The following NAAA variants were observed in gnomAD, a reference collection of about 807,000 sequenced individuals.
NAAA encodes the protein N-acylethanolamine-hydrolyzing acid amidase.
Under a neutral mutation model 44.8 loss-of-function variants are expected in NAAA, and 39 were observed. The ratio of observed to expected loss-of-function variants is 0.87; its 90% confidence interval spans 0.67 to 1.14. The LOEUF is 1.14. Ranked by LOEUF, NAAA falls within the 50% of genes most tolerant of loss-of-function variation. NAAA has a pLI of 0.00. For synonymous variants in NAAA, 178 were observed against 191.3 expected (o/e 0.93, Z 0.58); for missense variants, 460 against 467.8 (o/e 0.98, Z 0.15).
Position 75,913,871 on chromosome 4 carries a change from C to G in NAAA, c.*504G>C. On this transcript the variant is annotated 3_prime_UTR_variant, in exon 11 of 11. Coordinates refer to ENST00000286733, the MANE Select transcript of NAAA (RefSeq NM_014435.4). ...CTCCCATTACATGGAAACACATGAT[C>G]AAAGATCAGACTAACACACATTCAA... 2 of 985,250 alleles carry G rather than the reference C, an allele frequency of 2.0e-6. No individual in the cohort carries two copies. The highest frequency in any genetic ancestry group is 2.4e-6 in the Non-Finnish European group (2 of 829,782). The allele number at this position is 985,250 out of a possible 1,614,324, so 61.0% of individuals were successfully genotyped here.
chr4:75,933,638 T>C (rs1727437316), intron 3 of NAAA, among the ~76,000 whole-genome samples: 1 of 152,110 alleles, frequency 6.6e-6, no homozygotes, highest in South Asian at 2.1e-4. Flanking sequence ...TGTAAGATAT[T>C]TTATCTTGCA....
intron 9 of NAAA, 92 bp from the exon 10 acceptor site, chr4:75,915,077 G>A (rs1269672512): frequency 8.5e-6 from 8 of 938,892 alleles, no homozygotes; most frequent in Non-Finnish European, 1.4e-5. Flanking sequence ...TAACACTTGA[G>A]ATCTGGGACA....
At chr4:75,926,344 T>C (rs1726686525) in intron 4 of NAAA, among the ~76,000 whole-genome samples, 2 of 152,030 alleles carry the variant, frequency 1.3e-5, no homozygotes, top group African/African-American at 4.8e-5. Flanking sequence ...GCGGATCCCC[T>C]GAGGTCAGGA....
chr4:75,931,075 GT>G, intron 4 of NAAA, 138 bp downstream of exon 4: 1 of 617,646 alleles, frequency 1.6e-6, no homozygotes. Context: ...CATGCATACT[GT>G]CCACTTTCTC....
chr4:75,936,259 A>G lies in NAAA; in HGVS notation c.372-24T>C, dbSNP rs750856485. On this transcript the variant is annotated intron_variant, in intron 2 of 10. Transcript: ENST00000286733. The stretch of plus-strand genomic sequence containing the variant: ...ACCTGAGAAAAGGGAAAAGTCCAAC[A>G]TGAATGAATAAGACAAATAAGAAAA... 8 of 1,602,740 alleles carry G rather than the reference A, an allele frequency of 5.0e-6. No individual in the cohort carries two copies. In the Admixed American group the frequency reaches 1.1e-4, roughly 21 times the overall value.
intron 3 of NAAA, among the ~76,000 whole-genome samples, chr4:75,933,029 G>C (rs919012798): frequency 6.6e-6 from 1 of 151,522 alleles, no homozygotes; most frequent in Non-Finnish European, 1.5e-5. Context: ...CAGCTACTCG[G>C]GAGGCTAAGG....
downstream of NAAA, among the ~76,000 whole-genome samples, chr4:75,911,987 G>A (rs187613317): frequency 5.3e-5 from 8 of 152,292 alleles, no homozygotes; most frequent in Middle Eastern, 3.4e-3. Flanking sequence ...GCCCAGGAAC[G>A]AGCAAGGACA....
intron 4 of NAAA, among the ~76,000 whole-genome samples, chr4:75,930,028 G>A (rs888606022): frequency 6.6e-6 from 1 of 152,146 alleles, no homozygotes; most frequent in Non-Finnish European, 1.5e-5. Flanking sequence ...GGCAGAGGTT[G>A]CAGTAAGCTG....
chr4:75,933,873 T>C (rs1424236369), intron 3 of NAAA, among the ~76,000 whole-genome samples: 1 of 151,558 alleles, frequency 6.6e-6, no homozygotes, highest in East Asian at 1.9e-4. Flanking sequence ...CTGCTAAAAA[T>C]ACAAAAATTA....
In NAAA at chr4:75,930,684, C is replaced by A. The variant is rs145677614; in HGVS notation, c.589+530G>T. Reference sequence around the variant, plus strand: ...AATATAAATCACATCTGTTCACTCCCTGGCCTACAATCCCCCTACAGCTTC... The same window carrying A: ...AATATAAATCACATCTGTTCACTCCATGGCCTACAATCCCCCTACAGCTTC... On this transcript the variant is annotated intron_variant, in intron 4 of 10. Coordinates refer to ENST00000286733, the MANE Select transcript of NAAA (RefSeq NM_014435.4). Among the ~76,000 whole-genome samples the A allele has an allele frequency of 2.4e-3, 365 of 152,312 alleles. 2 individuals carry two copies. The highest frequency in any genetic ancestry group is 8.6e-3 in the African/African-American group (358 of 41,574).
intron 3 of NAAA, among the ~76,000 whole-genome samples, chr4:75,933,489 T>A (rs1184413085): frequency 6.6e-6 from 1 of 152,154 alleles, no homozygotes; most frequent in African/African-American, 2.4e-5. Flanking sequence ...AAAGTAATTA[T>A]ATGGCCACCT....
chr4:75,929,104 C>A (rs1372256471), intron 4 of NAAA, among the ~76,000 whole-genome samples: 1 of 151,998 alleles, frequency 6.6e-6, no homozygotes, highest in Non-Finnish European at 1.5e-5. Context: ...TCCCTGCTTT[C>A]GAGATGAGGA....
At chr4:75,915,978 A>T (rs1725590701) in intron 9 of NAAA, among the ~76,000 whole-genome samples, 1 of 152,230 alleles carries the variant, frequency 6.6e-6, no homozygotes, top group Non-Finnish European at 1.5e-5. Flanking sequence ...CAGCTAAATC[A>T]TACACCCAGT....
At chr4:75,925,624 G>GC (rs2149262007) in intron 5 of NAAA, 111 bp downstream of exon 5, 2 of 978,096 alleles carry the variant, frequency 2.0e-6, no homozygotes, top group African/African-American at 3.2e-5. Context: ...ACATTTAGAT[G>GC]CTTATTCTTT....
At chr4:75,938,576 C>CT (rs1215940078) in intron 2 of NAAA, among the ~76,000 whole-genome samples, 4 of 152,148 alleles carry the variant, frequency 2.6e-5, no homozygotes, top group Non-Finnish European at 5.9e-5. Context: ...CTTACTCTGC[C>CT]TAGGTGTTCT....
chr4:75,935,513 C>G (rs1392538283), intron 3 of NAAA: 1 of 152,298 alleles, frequency 6.6e-6, no homozygotes, highest in Non-Finnish European at 1.5e-5. Context: ...AGATCATACA[C>G]AAGAAAGTGG....
At chr4:75,924,217 G>A (rs371079464) in intron 5 of NAAA, among the ~76,000 whole-genome samples, 7 of 152,154 alleles carry the variant, frequency 4.6e-5, no homozygotes, top group Non-Finnish European at 8.8e-5. Flanking sequence ...AAATGAGGCC[G>A]TTTCATTTTC....
At chr4:75,925,701 GAGTT>G in intron 5 of NAAA, 30 bp downstream of exon 5, 1 of 1,594,782 alleles carries the variant, frequency 6.3e-7, no homozygotes, top group Non-Finnish European at 8.6e-7. Context: ...GGTGGAGGTG[GAGTT>G]AAGGAGGGCT....
rs538333682 is a variant in NAAA, at chr4:75,934,563, G to A, written c.498+1546C>T. Among the ~76,000 whole-genome samples the A allele has an allele frequency of 4.0e-5, 6 of 150,544 alleles. No homozygotes were observed. In the South Asian group the frequency reaches 1.3e-3, roughly 32 times the overall value. ...AGGCTGGTCTTGAACTCCTGACCTC[G>A]TGATTCGCCTGCCTCGGCCTCCCAA... On this transcript the variant is annotated intron_variant, in intron 3 of 10. Coordinates refer to ENST00000286733, the MANE Select transcript of NAAA (RefSeq NM_014435.4).
Sources: allele counts gnomAD v4.1 joint callset (sites outside exome capture counted in the v4.1 genomes callset), GRCh38; gene constraint gnomAD v4.1.1; transcripts MANE v1.5; gene names NCBI Gene and HGNC (gene_info 2026-07-23, HGNC 2026-07-21).